The following ITGAE variants were observed in gnomAD, a reference collection of about 807,000 sequenced individuals.
The protein encoded by ITGAE is integrin alpha-E.
In ITGAE, 99 loss-of-function variants were observed where a neutral mutation model predicts 136.5. That is an observed-to-expected ratio of 0.73 (90% confidence interval 0.62 to 0.86). The LOEUF (loss-of-function observed/expected upper bound fraction) is 0.86. Among genes scored for constraint, ITGAE ranks in the 40% least tolerant of loss-of-function variants. The pLI, the probability that ITGAE is intolerant of heterozygous loss-of-function variation, is 0.00. For missense variants in ITGAE, 1,447 were observed against 1,515.3 expected, an observed-to-expected ratio of 0.95 and a Z score of 0.75; for synonymous variants, 613 against 591.8, an observed-to-expected ratio of 1.04 and a Z score of -0.52.
Position 3,798,020 on chromosome 17 carries a change from G to A in ITGAE, c.34+3091C>T, listed in dbSNP as rs1391001409. Reference sequence around the variant, plus strand: ...CACGTTCCTCACCACCTCCACCGTGGGCCTCTCGGGACTGGATGCCCGCAT... The same window carrying A: ...CACGTTCCTCACCACCTCCACCGTGAGCCTCTCGGGACTGGATGCCCGCAT... On this transcript the variant is annotated intron_variant, in intron 1 of 30. Coordinates refer to ENST00000263087, the MANE Select transcript of ITGAE (RefSeq NM_002208.5). The surrounding 1 kb of genome is among the most constrained non-coding windows in gnomAD (Gnocchi z 4.3). Among the ~76,000 whole-genome samples the A allele has an allele frequency of 6.6e-6, 1 of 152,098 alleles. No homozygotes were observed. Among genetic ancestry groups the A allele is most frequent in the Non-Finnish European group, 1.5e-5 (1 of 68,024 alleles).
At position 3,761,504 on chromosome 17, in the gene ITGAE, A is replaced by G. The variant is rs2052168529; in HGVS notation, c.332T>C (p.Leu111Pro). The G allele has an allele frequency of 6.2e-7, 1 of 1,613,638 alleles. No homozygotes were observed. The highest frequency in any genetic ancestry group is 2.2e-5 in the East Asian group (1 of 44,886). Reference protein sequence around the residue: ...HHGVLICIQVLVRRPHSLSSE... With the variant: ...HHGVLICIQVPVRRPHSLSSE... ...GCTGAGGCTGTGAGGCCGCCGGACC[A>G]GCACTTGAATGCATATCTGTGGGAG... Residue 111 changes from leucine (L) to proline (P), a missense_variant, in exon 5 of 31, where the codon CTG becomes CCG. By Grantham distance (98) the Leu-to-Pro change is moderately conservative. Around this residue, in one of 3 missense-constraint regions of ITGAE, gnomAD observed 310 missense variants for 416.1 expected, o/e 0.74. Transcript: ENST00000263087.
intron 18 of ITGAE, 30 bp downstream of exon 18, chr17:3,745,734 C>A: frequency 6.2e-7 from 1 of 1,609,752 alleles, no homozygotes; most frequent in Non-Finnish European, 8.5e-7. Context: ...AAAGACCCCT[C>A]CTGACTCCCA....
intron 15 of ITGAE, among the ~76,000 whole-genome samples, chr17:3,750,931 G>T (rs1418105236): frequency 6.7e-6 from 1 of 149,318 alleles, no homozygotes; most frequent in African/African-American, 2.5e-5. Context: ...GGTGGGCTGG[G>T]AGTGGGATGG....
Position 3,714,718 on chromosome 17 carries a change from T to C in ITGAE, c.*129A>G. On this transcript the variant is annotated 3_prime_UTR_variant, in exon 31 of 31. Coordinates refer to ENST00000263087, the MANE Select transcript of ITGAE (RefSeq NM_002208.5). ...CAGACACTTTTGGGACAATGTATGG[T>C]TAAAAACTAATATTCTACCAACAGC... is the stretch of plus-strand genomic sequence containing the variant. 1 of 575,914 alleles carries C rather than the reference T, an allele frequency of 1.7e-6. No individual in the cohort carries two copies. Among genetic ancestry groups the C allele is most frequent in the African/African-American group, 1.9e-5 (1 of 52,964 alleles). The allele number at this position is 575,914 out of a possible 1,614,324, so 35.7% of individuals were successfully genotyped here.
chr17:3,738,457 C>G (rs1351237848), intron 20 of ITGAE, among the ~76,000 whole-genome samples: 1 of 152,208 alleles, frequency 6.6e-6, no homozygotes, highest in Non-Finnish European at 1.5e-5. Flanking sequence ...GCATGAGCCA[C>G]CGCGCCCGGC....
At chr17:3,762,153 A>G (rs2052188623) in intron 3 of ITGAE, among the ~76,000 whole-genome samples, 171 bp from the exon 4 acceptor site, 1 of 152,152 alleles carries the variant, frequency 6.6e-6, no homozygotes, top group Non-Finnish European at 1.5e-5. Flanking sequence ...TCAGGACTGG[A>G]CACGTTCAGG....
chr17:3,783,045 C>T (rs1455320766), intron 1 of ITGAE, among the ~76,000 whole-genome samples: 1 of 152,176 alleles, frequency 6.6e-6, no homozygotes, highest in Non-Finnish European at 1.5e-5. Context: ...AGTCGATGAG[C>T]GCACAGCCTA....
rs760447480 is a variant in ITGAE at position 3,751,697 on chromosome 17, A to G, written c.1846T>C (p.Tyr616His). The change falls in exon 15 of 31, where the codon TAT becomes CAT. Residue 616 changes from tyrosine (Y) to histidine (H), a missense_variant. By Grantham distance (83) the Tyr-to-His change is moderately conservative. Coordinates refer to ENST00000263087, the MANE Select transcript of ITGAE (RefSeq NM_002208.5). ...ADDGASFGSV[Y>H]IYNGHWDGLS... ...CCGTCCCAGTGTCCATTGTAGATAT[A>G]CACACTGCCGAAGCTGGCACCATCA... 1.9e-6 allele frequency: 3 copies of G among 1,613,982 alleles called. No individual in the cohort carries two copies. Among genetic ancestry groups the G allele is most frequent in the Non-Finnish European group, 2.5e-6 (3 of 1,179,928 alleles).
At chr17:3,753,111 A>G (rs1292049277) in intron 14 of ITGAE, among the ~76,000 whole-genome samples, 179 bp downstream of exon 14, 1 of 152,226 alleles carries the variant, frequency 6.6e-6, no homozygotes, top group Non-Finnish European at 1.5e-5. Context: ...ACCCTTGGGT[A>G]AGAAAGTGGG....
chr17:3,748,951 T>G (rs1222920448), intron 16 of ITGAE, among the ~76,000 whole-genome samples: 1 of 152,128 alleles, frequency 6.6e-6, no homozygotes, highest in Non-Finnish European at 1.5e-5. Context: ...GTGGAGGAGT[T>G]TCAGGCAGCA....
At chr17:3,725,487 C>T (rs1567513167) in intron 26 of ITGAE, 5 of 1,614,160 alleles carry the variant, frequency 3.1e-6, no homozygotes, top group Non-Finnish European at 4.2e-6. Flanking sequence ...TATTGAAGGA[C>T]CAGATTTAGT....
At chr17:3,778,301 G>C (rs944862191) in intron 1 of ITGAE, among the ~76,000 whole-genome samples, 1 of 152,168 alleles carries the variant, frequency 6.6e-6, no homozygotes, top group Non-Finnish European at 1.5e-5. Flanking sequence ...AGTGGCTCAT[G>C]CCTGTAATCC....
At chr17:3,740,326 G>A (rs2051554652) in intron 19 of ITGAE, among the ~76,000 whole-genome samples, 2 of 152,204 alleles carry the variant, frequency 1.3e-5, no homozygotes, top group South Asian at 4.1e-4. Context: ...TATCGTCAAG[G>A]TCCAGGCCTT....
Position 3,799,964 on chromosome 17 carries a change from C to G in ITGAE, c.34+1147G>C, listed in dbSNP as rs1420446887. On this transcript the variant is annotated intron_variant, in intron 1 of 30. Coordinates refer to ENST00000263087, the MANE Select transcript of ITGAE (RefSeq NM_002208.5). The surrounding 1 kb of genome is among the most constrained non-coding windows in gnomAD (Gnocchi z 4.1). ...TGAGACCCTGTCTCTACTAAAAATACAAAAATTAGCCAGGCGTGGTGGCAG... is the reference window on the plus strand; with the variant it reads ...TGAGACCCTGTCTCTACTAAAAATAGAAAAATTAGCCAGGCGTGGTGGCAG... Among the ~76,000 whole-genome samples, 1 of 151,960 alleles carries G rather than the reference C, an allele frequency of 6.6e-6. No individual in the cohort carries two copies. The highest frequency in any genetic ancestry group is 1.5e-5 in the Non-Finnish European group (1 of 67,976).
Position 3,759,461 on chromosome 17 carries a change from G to C in ITGAE, c.807C>G (p.Val269=). 6.2e-7 allele frequency: 1 copy of C among 1,614,194 alleles called. No individual in the cohort carries two copies. Among genetic ancestry groups the C allele is most frequent in the Admixed American group, 1.7e-5 (1 of 60,024 alleles). Residue 269 remains valine, a synonymous_variant, in exon 8 of 31, where the codon GTC becomes GTG. Coordinates refer to ENST00000263087, the MANE Select transcript of ITGAE (RefSeq NM_002208.5). The part of the protein sequence containing the change: ...SQDVMASLAR[V]QNITQVGSVT... The stretch of plus-strand genomic sequence containing the variant: ...CACTCCCCACTTGAGTGATGTTCTG[G>C]ACTCTGGCGAGGGAGGCCATCACAT...
chr17:3,745,319 T>G (rs1255894705), intron 18 of ITGAE, among the ~76,000 whole-genome samples: 1 of 152,162 alleles, frequency 6.6e-6, no homozygotes, highest in African/African-American at 2.4e-5. Context: ...CCATCTTCCG[T>G]GCCATTACGT....
At chr17:3,775,883 A>G (rs1022686632) in intron 2 of ITGAE, among the ~76,000 whole-genome samples, 3 of 152,024 alleles carry the variant, frequency 2.0e-5, no homozygotes, top group South Asian at 4.1e-4. Context: ...ATTGCTCTCC[A>G]AGGTGGTGAT....
At position 3,731,310 on chromosome 17, in the gene ITGAE, AAC is replaced by A. The variant is rs557260600; in HGVS notation, c.2755-129_2755-128del. On this transcript the variant is annotated intron_variant, in intron 22 of 30. Transcript: ENST00000263087. ...ATTTTCACATTCCTCACATTTTTCT[AAC>A]ACAGCATGTTTCCTTTCCCTTCCTT... is the stretch of plus-strand genomic sequence containing the variant. The A allele has an allele frequency of 2.1e-5, 14 of 678,906 alleles. No individual in the cohort carries two copies. In the African/African-American group the frequency reaches 2.5e-4, roughly 12 times the overall value. 42.1% of individuals were successfully genotyped at this position (678,906 alleles called of 1,614,324 possible).
chr17:3,731,171 C>T lies in ITGAE; in HGVS notation c.2767G>A (p.Val923Ile). 6.2e-7 allele frequency: 1 copy of T among 1,613,642 alleles called. No individual in the cohort carries two copies. Among genetic ancestry groups the T allele is most frequent in the Non-Finnish European group, 8.5e-7 (1 of 1,179,672 alleles). ...VLKRSSAHVS[V>I]VWQLEENAFP... The stretch of plus-strand genomic sequence containing the variant: ...GCATTCTCCTCTAGCTGCCAAACGA[C>T]TGAAACATGAGCCTATTTTAAAGGG... The change falls in exon 23 of 31, where the codon GTC becomes ATC. Residue 923 changes from valine (V) to isoleucine (I), a missense_variant. Val to Ile is a conservative substitution (Grantham distance 29). Around this residue, in one of 3 missense-constraint regions of ITGAE, gnomAD observed 1,031 missense variants for 1,011.4 expected, o/e 1.02. Coordinates refer to ENST00000263087, the MANE Select transcript of ITGAE (RefSeq NM_002208.5).
Sources: gnomAD v4.1 joint callset for allele counts (sites outside exome capture counted in the v4.1 genomes callset) on GRCh38, gnomAD v4.1.1 for gene constraint, gnomAD v4.1.1 regional missense constraint, Gnocchi (gnomAD v3.1) non-coding constraint, MANE v1.5 for transcripts, NCBI Gene and HGNC (gene_info 2026-07-23, HGNC 2026-07-21) for gene names.